The following SF3A1 variants were observed in gnomAD, a reference collection of about 807,000 sequenced individuals.
The protein encoded by SF3A1 is splicing factor 3a subunit 1, also known as SAP 114.
SF3A1 carries 13 observed loss-of-function variants against 89.9 expected under a neutral mutation model. That is an observed-to-expected ratio of 0.14 (90% confidence interval 0.09 to 0.23). The LOEUF (loss-of-function observed/expected upper bound fraction) is 0.23. Ranked by LOEUF, SF3A1 falls within the 10% of genes least tolerant of loss-of-function variation. The probability of loss-of-function intolerance (pLI) is 1.00; values close to 1 mark genes in which losing one functional copy is unlikely to be tolerated. For synonymous variants in SF3A1, 405 were observed against 374.4 expected (o/e 1.08, Z -0.94); for missense variants, 604 against 1,022.1 (o/e 0.59, Z 5.58).
intron 2 of SF3A1, among the ~76,000 whole-genome samples, chr22:30,352,032 C>T (rs1290149421): frequency 6.6e-6 from 1 of 152,116 alleles, no homozygotes; most frequent in Non-Finnish European, 1.5e-5. Flanking sequence ...CCCATTCCAT[C>T]TGAGGTGGCG....
intron 7 of SF3A1, 42 bp downstream of exon 7, chr22:30,341,650 T>G: frequency 2.5e-6 from 4 of 1,571,426 alleles, no homozygotes; most frequent in Non-Finnish European, 3.5e-6. Context: ...TCCTGGGGCT[T>G]CAGGGGAAAA....
At chr22:30,347,566 A>T (rs1267347382) in intron 2 of SF3A1, among the ~76,000 whole-genome samples, 2 of 152,158 alleles carry the variant, frequency 1.3e-5, no homozygotes, top group African/African-American at 4.8e-5. Flanking sequence ...GATAATGAAA[A>T]AATGTCCCTA....
chr22:30,340,440 G>A (rs1367151885), intron 8 of SF3A1, 59 bp from the exon 9 acceptor site: 22 of 1,546,910 alleles, frequency 1.4e-5, no homozygotes, highest in Non-Finnish European at 1.9e-5. Flanking sequence ...GAGTTAAGAG[G>A]GTGGTATTTC....
chr22:30,353,145 C>T (rs1931653326), intron 1 of SF3A1, 73 bp from the exon 2 acceptor site: 2 of 1,556,796 alleles, frequency 1.3e-6, no homozygotes, highest in South Asian at 2.3e-5. Flanking sequence ...TAAAACTCCT[C>T]TAGGATATCA....
intron 10 of SF3A1, 36 bp downstream of exon 10, chr22:30,339,094 G>A: frequency 1.2e-6 from 2 of 1,613,910 alleles, no homozygotes; most frequent in Non-Finnish European, 8.5e-7. Flanking sequence ...GGAAGACGGG[G>A]GGCAGAGAAG....
At chr22:30,354,101 C>T (rs1193836389) in intron 1 of SF3A1, among the ~76,000 whole-genome samples, 5 of 152,202 alleles carry the variant, frequency 3.3e-5, no homozygotes, top group Non-Finnish European at 7.3e-5. Flanking sequence ...TCAGCACTAA[C>T]GATCCCATAA....
intron 8 of SF3A1, 31 bp downstream of exon 8, chr22:30,340,664 G>T: frequency 7.2e-7 from 1 of 1,382,424 alleles, no homozygotes. Context: ...TTCCTGGGCA[G>T]CCCGAGGGTT....
chr22:30,342,014 T>C (rs5753078), intron 6 of SF3A1, 129 bp from the exon 7 acceptor site: 258,265 of 1,168,866 alleles, frequency 0.22, 30,492 homozygotes, highest in Middle Eastern at 0.27. Flanking sequence ...ATCTAGGGTC[T>C]GGCAAGTACG....
In SF3A1 at chr22:30,334,242, A is replaced by G. The variant is rs1418675117; in HGVS notation, c.*352T>C. 2.2e-5 allele frequency: 4 copies of G among 183,910 alleles called. No individual in the cohort carries two copies. Among genetic ancestry groups the G allele is most frequent in the South Asian group, 1.2e-4 (1 of 8,084 alleles). The allele number at this position is 183,910 out of a possible 1,614,324, so 11.4% of individuals were successfully genotyped here. A position where few individuals can be genotyped will look rare whatever the true frequency, so the allele number is the denominator to read the frequency against. ...TCAAGGTACAAAATGATTAATGACAATATCAGCCATATTCTATTAGCCAAG... is the reference window on the plus strand; with the variant it reads ...TCAAGGTACAAAATGATTAATGACAGTATCAGCCATATTCTATTAGCCAAG... On this transcript the variant is annotated 3_prime_UTR_variant, in exon 16 of 16. Transcript: ENST00000215793.
Position 30,335,706 on chromosome 22 carries a change from C to A in SF3A1, c.2154G>T (p.Thr718=). 1 of 1,614,222 alleles carries A rather than the reference C, an allele frequency of 6.2e-7. No individual in the cohort carries two copies. The highest frequency in any genetic ancestry group is 8.5e-7 in the Non-Finnish European group (1 of 1,180,042). Residue 718 remains threonine (T), a synonymous_variant, in exon 14 of 16, where the codon ACG becomes ACT. Transcript: ENST00000215793. ...GCACCTGCCCATTCAGTTTCCATTC[C>A]GTCTTATCCTGCATGTTGGGCACCT... ...KVQVPNMQDK[T]EWKLNGQVLV...
At chr22:30,353,265 G>C (rs987025988) in intron 1 of SF3A1, among the ~76,000 whole-genome samples, 193 bp from the exon 2 acceptor site, 1 of 152,170 alleles carries the variant, frequency 6.6e-6, no homozygotes, top group Non-Finnish European at 1.5e-5. Flanking sequence ...TGGGGACCCA[G>C]GGAGAAGAGC....
rs566695123 is a variant in SF3A1, at chr22:30,338,599, G to T, written c.1743+190C>A. Among the ~76,000 whole-genome samples the T allele has an allele frequency of 7.9e-5, 12 of 152,104 alleles. No individual in the cohort carries two copies. The South Asian group carries it at 2.5e-3, about 32-fold the overall frequency. ...ATATTTGCCACTTACCTCCCTCCCT[G>T]TTCCAACCCTCCTCCACAAACAGAT... is the stretch of plus-strand genomic sequence containing the variant. On this transcript the variant is annotated intron_variant, in intron 11 of 15. Transcript: ENST00000215793.
rs1931208890 is a variant in SF3A1 at position 30,340,305 on chromosome 22, G to A, written c.1266C>T (p.Ala422=). ...TGCGCATGTGTTCCTGCATTTTGCT[G>A]GCGGGGATCTTCTCCCCAGTAATGG... is the stretch of plus-strand genomic sequence containing the variant. ...VSPITGEKIP[A]SKMQEHMRIG... Residue 422 remains alanine (A), a synonymous_variant, in exon 9 of 16, where the codon GCC becomes GCT. Transcript: ENST00000215793. The A allele has an allele frequency of 6.2e-7, 1 of 1,613,292 alleles. No individual in the cohort carries two copies. The highest frequency in any genetic ancestry group is 8.5e-7 in the Non-Finnish European group (1 of 1,179,790).
rs942614121 is a variant in SF3A1 at position 30,342,270 on chromosome 22, C to G, written c.807G>C (p.Val269=). 5.0e-6 allele frequency: 8 copies of G among 1,614,184 alleles called. No individual in the cohort carries two copies. In the African/African-American group the frequency reaches 6.7e-5, roughly 13 times the overall value. ...KEEEEKEKER[V]AYAQIDWHDF... is the part of the protein sequence containing the mutation. ...CATGCCAGTCGATCTGAGCATAGGC[C>G]ACCCGCTCCTTCTCCTTCTCCTCTT... is the stretch of plus-strand genomic sequence containing the variant. The change falls in exon 6 of 16, where the codon GTG becomes GTC. Residue 269 remains valine (V), a synonymous_variant. Transcript: ENST00000215793.
intron 8 of SF3A1, 47 bp from the exon 9 acceptor site, chr22:30,340,428 C>T (rs375403272): frequency 1.6e-5 from 25 of 1,587,420 alleles, no homozygotes; most frequent in Non-Finnish European, 1.9e-5. Flanking sequence ...GGGCAGCCAC[C>T]TGAGTTAAGA....
intron 1 of SF3A1, among the ~76,000 whole-genome samples, chr22:30,355,480 GC>G (rs1931761671): frequency 6.6e-6 from 1 of 152,140 alleles, no homozygotes; most frequent in South Asian, 2.1e-4. Context: ...AGCGTGACTG[GC>G]CTCCCCTCAT....
intron 8 of SF3A1, 45 bp downstream of exon 8, chr22:30,340,650 G>T (rs1392657344): frequency 4.9e-6 from 6 of 1,227,788 alleles, no homozygotes; most frequent in Non-Finnish European, 7.2e-6. Flanking sequence ...AGGGCACACA[G>T]GACTTCCTGG....
intron 13 of SF3A1, among the ~76,000 whole-genome samples, chr22:30,336,816 C>T (rs1158039739): frequency 6.6e-6 from 1 of 152,212 alleles, no homozygotes; most frequent in African/African-American, 2.4e-5. Flanking sequence ...GCCACCACTA[C>T]CATCACCATC....
chr22:30,336,359 A>T (rs1363848911), intron 13 of SF3A1, among the ~76,000 whole-genome samples: 1 of 152,162 alleles, frequency 6.6e-6, no homozygotes, highest in Non-Finnish European at 1.5e-5. Flanking sequence ...CTCTACTAAA[A>T]TACTAAAAAT....
Sources: gnomAD v4.1 joint callset for allele counts (sites outside exome capture counted in the v4.1 genomes callset) on GRCh38, gnomAD v4.1.1 for gene constraint, MANE v1.5 for transcripts, NCBI Gene and HGNC (gene_info 2026-07-23, HGNC 2026-07-21) for gene names.